The following RANBP2 variants were observed in gnomAD, a reference collection of about 807,000 sequenced individuals.
RANBP2 encodes the protein E3 SUMO-protein ligase RanBP2.
A neutral mutation model predicts 303.6 loss-of-function variants in RANBP2; 57 were observed. That is an observed-to-expected ratio of 0.19 (90% CI 0.15 to 0.23). The LOEUF is 0.23. Ranked by LOEUF, RANBP2 falls within the 10% of genes least tolerant of loss-of-function variation. The pLI is 1.00. For missense variants in RANBP2, 3,138 were observed against 3,780.8 expected (o/e 0.83, Z 4.46); for synonymous variants, 1,167 against 1,301.5 (o/e 0.90, Z 2.23).
chr2:108,786,797 G>C, downstream of RANBP2: 4 of 1,569,394 alleles, frequency 2.5e-6, no homozygotes, highest in Non-Finnish European at 3.5e-6. Flanking sequence ...CGGTTCCCGG[G>C]GAGACTGGTA....
the RANBP2 span, among the ~76,000 whole-genome samples, chr2:109,487,715 C>T: frequency 6.6e-6 from 1 of 152,200 alleles, no homozygotes; most frequent in South Asian, 2.1e-4. Flanking sequence ...TCCAGGCCCA[C>T]AGGGCCCAAG....
chr2:108,979,863 C>G, the RANBP2 span, among the ~76,000 whole-genome samples: 1 of 152,106 alleles, frequency 6.6e-6, no homozygotes, highest in Non-Finnish European at 1.5e-5. Flanking sequence ...CTGGCTCTGA[C>G]GGGCAGCACA....
At chr2:108,966,478 G>A in the RANBP2 span, among the ~76,000 whole-genome samples, 7 of 152,198 alleles carry the variant, frequency 4.6e-5, no homozygotes, top group Admixed American at 2.0e-4. Flanking sequence ...CGCGGGCCCC[G>A]GTGCAGTTAT....
At chr2:109,585,769 C>A in the RANBP2 span, 1 of 1,613,920 alleles carries the variant, frequency 6.2e-7, no homozygotes, top group Non-Finnish European at 8.5e-7. Flanking sequence ...GATCTGTTCA[C>A]CAGCTGATCA....
At chr2:109,577,641 A>C in the RANBP2 span, among the ~76,000 whole-genome samples, 1 of 151,538 alleles carries the variant, frequency 6.6e-6, no homozygotes, top group South Asian at 2.1e-4. Flanking sequence ...TCGGTCGGAT[A>C]GTGGCTCACG....
chr2:109,352,658 C>G, the RANBP2 span, among the ~76,000 whole-genome samples: 2 of 152,324 alleles, frequency 1.3e-5, no homozygotes, highest in East Asian at 3.9e-4. Flanking sequence ...TGAAGTTACC[C>G]GAGAAACTCA....
At chr2:109,509,475 C>T in the RANBP2 span, among the ~76,000 whole-genome samples, 3 of 152,118 alleles carry the variant, frequency 2.0e-5, no homozygotes, top group Non-Finnish European at 4.4e-5. Flanking sequence ...ACACCGCCGT[C>T]TCCTCACTCT....
At chr2:109,197,653 T>A in the RANBP2 span, among the ~76,000 whole-genome samples, 1 of 152,152 alleles carries the variant, frequency 6.6e-6, no homozygotes, top group African/African-American at 2.4e-5. Flanking sequence ...ACCTTTGCAT[T>A]TGTGTTTTGT....
At chr2:109,273,872 A>G in the RANBP2 span, among the ~76,000 whole-genome samples, 1 of 152,120 alleles carries the variant, frequency 6.6e-6, no homozygotes. Flanking sequence ...GAAAGGAAAC[A>G]AGTAGGCTGC....
the RANBP2 span, among the ~76,000 whole-genome samples, chr2:109,257,752 GC>G: frequency 2.0e-5 from 3 of 152,258 alleles, no homozygotes; most frequent in Non-Finnish European, 4.4e-5. Flanking sequence ...AAACCAAGGG[GC>G]CCCAAGTGCA....
the RANBP2 span, among the ~76,000 whole-genome samples, chr2:109,448,228 CTTTATG>C: frequency 2.0e-5 from 3 of 152,154 alleles, no homozygotes; most frequent in African/African-American, 7.2e-5. Flanking sequence ...CTTTCACAGG[CTTTATG>C]TTTATGAGCA....
chr2:109,761,865 TAA>T, the RANBP2 span, among the ~76,000 whole-genome samples: 1 of 151,422 alleles, frequency 6.6e-6, no homozygotes, highest in African/African-American at 2.4e-5. Context: ...TTTAATTCAG[TAA>T]AGAGTTCACA....
the RANBP2 span, among the ~76,000 whole-genome samples, chr2:108,933,707 G>T: frequency 3.3e-5 from 5 of 152,206 alleles, no homozygotes; most frequent in Non-Finnish European, 7.3e-5. Context: ...CACCCCAGTG[G>T]TGAACTCGCT....
chr2:109,082,692 A>G, the RANBP2 span, among the ~76,000 whole-genome samples: 2 of 152,106 alleles, frequency 1.3e-5, no homozygotes, highest in Non-Finnish European at 2.9e-5. Context: ...GCCTATGCCT[A>G]TGGTCCCAGG....
At chr2:109,703,432 T>C in the RANBP2 span, among the ~76,000 whole-genome samples, 1 of 152,192 alleles carries the variant, frequency 6.6e-6, no homozygotes, top group Non-Finnish European at 1.5e-5. Flanking sequence ...TTCTGTATTT[T>C]ATTTATTTAT....
At chr2:109,401,783 G>A in the RANBP2 span, among the ~76,000 whole-genome samples, 2 of 152,188 alleles carry the variant, frequency 1.3e-5, no homozygotes, top group Non-Finnish European at 2.9e-5. Flanking sequence ...TGGCCTCCGT[G>A]TTAAAACAAG....
chr2:109,121,017 T>G, the RANBP2 span, among the ~76,000 whole-genome samples: 2 of 151,968 alleles, frequency 1.3e-5, no homozygotes, highest in Non-Finnish European at 2.9e-5. Context: ...GAGGCCGAGG[T>G]GGGCGGATCA....
the RANBP2 span, among the ~76,000 whole-genome samples, chr2:108,987,466 A>G: frequency 6.6e-6 from 1 of 152,250 alleles, no homozygotes. Context: ...TGAGAAACAA[A>G]GATGAGCCCC....
At chr2:109,082,965 A>G in the RANBP2 span, among the ~76,000 whole-genome samples, 14 of 151,870 alleles carry the variant, frequency 9.2e-5, no homozygotes, top group Non-Finnish European at 1.5e-4. Context: ...AGCTGGGACT[A>G]CAGGCATCTG....
Sources: gnomAD v4.1 joint callset for allele counts (sites outside exome capture counted in the v4.1 genomes callset) on GRCh38, gnomAD v4.1.1 for gene constraint, MANE v1.5 for transcripts, NCBI Gene and HGNC (gene_info 2026-07-23, HGNC 2026-07-21) for gene names.